PHLDB1: variants seen among roughly 807,000 people sequenced by gnomAD.
The protein encoded by PHLDB1 is pleckstrin homology like domain family B member 1, also known as pleckstrin homology-like domain family B member 1.
PHLDB1 carries 65 observed loss-of-function variants against 139.3 expected under a neutral mutation model. The observed-to-expected ratio is 0.47, with a 90% CI of 0.38 to 0.57. The LOEUF (loss-of-function observed/expected upper bound fraction) is 0.57, where lower values mean the gene tolerates loss of function less well. Ranked by LOEUF, PHLDB1 falls within the 20% of genes least tolerant of loss-of-function variation. The pLI, the probability that PHLDB1 is intolerant of heterozygous loss-of-function variation, is 0.00. For synonymous variants in PHLDB1, 679 were observed against 734.5 expected (o/e 0.92, Z 1.22); for missense variants, 1,624 against 1,839.7 (o/e 0.88, Z 2.14).
Position 118,625,064 on chromosome 11 carries a change from G to T in PHLDB1, c.481+5G>T, listed in dbSNP as rs781929654. The T allele has an allele frequency of 2.9e-5, 46 of 1,595,428 alleles. No individual in the cohort carries two copies. The highest frequency in any genetic ancestry group is 3.9e-5 in the Non-Finnish European group (46 of 1,171,930). On this transcript the variant is annotated splice_donor_5th_base_variant and intron_variant, in intron 5 of 22. Coordinates refer to ENST00000600882, the MANE Select transcript of PHLDB1 (RefSeq NM_001144758.3). ...CCCCCTACAGCCCTGTTCCTGGTAGGTACCGACGGGGGCAGGGTGCTGGGT... is the reference window on the plus strand; with the variant it reads ...CCCCCTACAGCCCTGTTCCTGGTAGTTACCGACGGGGGCAGGGTGCTGGGT...
intron 9 of PHLDB1, chr11:118,633,923 G>C (rs1555113188): frequency 6.6e-6 from 1 of 152,444 alleles, no homozygotes; most frequent in African/African-American, 2.4e-5. Context: ...TGGAGGCCTA[G>C]ACTTCGCTTT....
intron 9 of PHLDB1, chr11:118,635,064 GC>G (rs781920081): frequency 8.0e-5 from 39 of 490,272 alleles, no homozygotes; most frequent in Middle Eastern, 4.0e-4. Context: ...CAGTTCCACC[GC>G]CCCCCCTCCC....
At chr11:118,652,408 G>A (rs1383688555) in intron 20 of PHLDB1, 3 of 152,226 alleles carry the variant, frequency 2.0e-5, no homozygotes, top group Admixed American at 6.5e-5. Context: ...TCTAGGTTTA[G>A]GAGGATGGTC....
intron 13 of PHLDB1, among the ~76,000 whole-genome samples, chr11:118,643,305 G>A (rs959973925): frequency 3.9e-5 from 6 of 152,184 alleles, no homozygotes; most frequent in Non-Finnish European, 7.3e-5. Flanking sequence ...CTTATGCCAC[G>A]TCAGGGTTTG....
Position 118,637,240 on chromosome 11 carries a change from A to G in PHLDB1, c.2536-1651A>G, listed in dbSNP as rs185030081. The G allele has an allele frequency of 4.6e-5, 7 of 152,342 alleles. No individual in the cohort carries two copies. In the East Asian group the frequency reaches 1.3e-3, roughly 29 times the overall value. 9.4% of individuals were successfully genotyped at this position (152,342 alleles called of 1,614,324 possible). On this transcript the variant is annotated intron_variant, in intron 10 of 22. Transcript: ENST00000600882. ...CCTGCCTCATAAAGGAGCTTATTAA[A>G]TTACGTAACAAATGCAAAACATTTA...
intron 4 of PHLDB1, among the ~76,000 whole-genome samples, chr11:118,622,196 G>T (rs1192968469): frequency 6.6e-6 from 1 of 152,178 alleles, no homozygotes; most frequent in Non-Finnish European, 1.5e-5. Flanking sequence ...TCATGACTTT[G>T]GCAGGATGGG....
At chr11:118,646,043 G>A (rs942165135) in intron 17 of PHLDB1, among the ~76,000 whole-genome samples, 2 of 152,134 alleles carry the variant, frequency 1.3e-5, no homozygotes, top group Non-Finnish European at 2.9e-5. Flanking sequence ...GGCGGATCAC[G>A]AGGTCAGGAG....
At position 118,628,354 on chromosome 11, in the gene PHLDB1, G is replaced by A. The variant is rs782014014; in HGVS notation, c.1531G>A (p.Ala511Thr). 2.5e-6 allele frequency: 4 copies of A among 1,611,760 alleles called. No homozygotes were observed. The highest frequency in any genetic ancestry group is 1.3e-5 in the African/African-American group (1 of 74,938). ...SPEDFSLTLG[A>T]RGRRTRSPSP... The stretch of plus-strand genomic sequence containing the variant: ...AGAGGACTTCTCCCTGACGCTGGGG[G>A]CACGGGGCCGTAGGACACGGAGCCC... The change falls in exon 6 of 23, where the codon GCA becomes ACA. Residue 511 changes from alanine (A) to threonine (T), a missense_variant. By Grantham distance (58) the Ala-to-Thr change is moderately conservative. Transcript: ENST00000600882.
intron 5 of PHLDB1, among the ~76,000 whole-genome samples, chr11:118,625,774 A>G (rs1943747372): frequency 6.6e-6 from 1 of 152,126 alleles, no homozygotes; most frequent in Non-Finnish European, 1.5e-5. Context: ...GGACCTGAAG[A>G]AAGGTGAGTG....
chr11:118,637,357 T>A (rs1157275012), intron 10 of PHLDB1: 4 of 152,262 alleles, frequency 2.6e-5, no homozygotes, highest in Non-Finnish European at 5.9e-5. Flanking sequence ...GTTGTTGATT[T>A]TGAGACAGAG....
rs528149295 is a variant in PHLDB1 at position 118,608,495 on chromosome 11, C to T, written c.-22+796C>T. ...GCCGAGTCGCCCGCTAGCGCTTCCG[C>T]CGAGGCAGGCTCGAGTGGGGACTTG... On this transcript the variant is annotated intron_variant, in intron 1 of 22. Transcript: ENST00000600882. The surrounding 1 kb of genome is among the most constrained non-coding windows in gnomAD (Gnocchi z 6.7). Among the ~76,000 whole-genome samples the T allele has an allele frequency of 6.6e-6, 1 of 152,282 alleles. No homozygotes were observed. The highest frequency in any genetic ancestry group is 2.4e-5 in the African/African-American group (1 of 41,566).
chr11:118,629,427 T>A (rs948505265), intron 6 of PHLDB1, among the ~76,000 whole-genome samples: 1 of 152,190 alleles, frequency 6.6e-6, no homozygotes, highest in Non-Finnish European at 1.5e-5. Context: ...CTCAGGGAGC[T>A]TAAGGGGCTC....
At chr11:118,641,525 C>G in intron 12 of PHLDB1, 2 of 773,986 alleles carry the variant, frequency 2.6e-6, no homozygotes, top group Non-Finnish European at 3.5e-6. Context: ...TCTGCCCTTT[C>G]CCTCCCTTCC....
rs1947046432 is a variant in PHLDB1, at chr11:118,644,066, C to T, written c.3019-6C>T. On this transcript the variant is annotated splice_polypyrimidine_tract_variant and splice_region_variant and intron_variant, in intron 14 of 22. Coordinates refer to ENST00000600882, the MANE Select transcript of PHLDB1 (RefSeq NM_001144758.3). ...GCCCAGGTCCGAACTCTCCATTCCT[C>T]TGCAGAGCGCTCTACTCACCCAGAA... 5.6e-6 allele frequency: 9 copies of T among 1,613,306 alleles called. No individual in the cohort carries two copies. The highest frequency in any genetic ancestry group is 7.6e-6 in the Non-Finnish European group (9 of 1,179,424).
chr11:118,617,239 A>C (rs1182666427), intron 4 of PHLDB1, among the ~76,000 whole-genome samples: 1 of 152,002 alleles, frequency 6.6e-6, no homozygotes, highest in Non-Finnish European at 1.5e-5. Flanking sequence ...ATTTGGGTGG[A>C]GGTTAGAGGT....
In PHLDB1 at chr11:118,650,333, C is replaced by A; in HGVS notation, c.3772-112C>A. On this transcript the variant is annotated intron_variant, in intron 19 of 22. Coordinates refer to ENST00000600882, the MANE Select transcript of PHLDB1 (RefSeq NM_001144758.3). This position sits in a 1 kb window ranked among gnomAD's most constrained non-coding sequence, Gnocchi z 4.7. ...TCTGTCCCAGGACCTGGTGTGCTGG[C>A]CTGAGGAGATGTTGGGGACAATCCC... is the stretch of plus-strand genomic sequence containing the variant. 1 of 990,410 alleles carries A rather than the reference C, an allele frequency of 1.0e-6. No individual in the cohort carries two copies. The highest frequency in any genetic ancestry group is 1.6e-6 in the Non-Finnish European group (1 of 614,460). 61.4% of individuals were successfully genotyped at this position (990,410 alleles called of 1,614,324 possible). A position where few individuals can be genotyped will look rare whatever the true frequency, so the allele number is the denominator to read the frequency against.
At chr11:118,626,257 T>A (rs1408299279) in intron 5 of PHLDB1, among the ~76,000 whole-genome samples, 1 of 151,750 alleles carries the variant, frequency 6.6e-6, no homozygotes, top group African/African-American at 2.4e-5. Context: ...TTTTTTTTTT[T>A]ACCCCTGGGC....
Position 118,620,788 on chromosome 11 carries a change from G to C in PHLDB1, c.356-4146G>C, listed in dbSNP as rs1410083356. Among the ~76,000 whole-genome samples the C allele has an allele frequency of 6.6e-6, 1 of 152,142 alleles. No homozygotes were observed. The highest frequency in any genetic ancestry group is 1.5e-5 in the Non-Finnish European group (1 of 68,016). On this transcript the variant is annotated intron_variant, in intron 4 of 22. Coordinates refer to ENST00000600882, the MANE Select transcript of PHLDB1 (RefSeq NM_001144758.3). The surrounding 1 kb of genome is among the most constrained non-coding windows in gnomAD (Gnocchi z 4.1). ...TTAGGGTGGAGACAGGAGGTGGGCT[G>C]AGTGCTTGCATTGTACAGAGCACTG...
chr11:118,642,777 A>G (rs782588269), intron 13 of PHLDB1, among the ~76,000 whole-genome samples: 23 of 152,336 alleles, frequency 1.5e-4, no homozygotes, highest in African/African-American at 4.3e-4. Flanking sequence ...GCCTGTGGCA[A>G]CTGGAACTAG....
Sources: gnomAD v4.1 joint callset for allele counts (sites outside exome capture counted in the v4.1 genomes callset) on GRCh38, gnomAD v4.1.1 for gene constraint, Gnocchi (gnomAD v3.1) non-coding constraint, MANE v1.5 for transcripts, NCBI Gene and HGNC (gene_info 2026-07-23, HGNC 2026-07-21) for gene names.